The following PTPRD variants were observed in gnomAD, a reference collection of about 807,000 sequenced individuals.
The protein encoded by PTPRD is receptor-type tyrosine-protein phosphatase delta.
A neutral mutation model predicts 214.5 loss-of-function variants in PTPRD; 34 were observed. The ratio of observed to expected loss-of-function variants is 0.16; its 90% CI spans 0.12 to 0.21. The LOEUF (loss-of-function observed/expected upper bound fraction) is 0.21. Among genes scored for constraint, PTPRD ranks in the 10% least tolerant of loss-of-function variants. PTPRD has a pLI of 1.00. For synonymous variants in PTPRD, 1,128 were observed against 845.7 expected (o/e 1.33, Z -5.79); for missense variants, 2,545 against 2,398.7 (o/e 1.06, Z -1.27).
At chr9:9,785,324 A>G (rs1408329170) in intron 5 of PTPRD, among the ~76,000 whole-genome samples, 2 of 152,038 alleles carry the variant, frequency 1.3e-5, no homozygotes, top group Non-Finnish European at 2.9e-5. Context: ...CTCCTACAGT[A>G]TATTTATTAG....
chr9:10,199,134 T>G (rs2099409506), intron 3 of PTPRD, among the ~76,000 whole-genome samples: 1 of 151,816 alleles, frequency 6.6e-6, no homozygotes, highest in South Asian at 2.1e-4. Context: ...TTCTTAGGAG[T>G]GGATGCAGTA....
Position 8,865,384 on chromosome 9 carries a change from A to G in PTPRD, c.-103-131438T>C, listed in dbSNP as rs2154546532. 1.3e-5 allele frequency among the ~76,000 whole-genome samples: 2 copies of G among 152,272 alleles called. 1 individual carries two copies. Among genetic ancestry groups the G allele is most frequent in the South Asian group, 4.1e-4 (2 of 4,824 alleles). Reference sequence around the variant, plus strand: ...CCCAGAGCTCCTGTCATAGGGCTTTAAGCACAATAGGCATTTCATAAATAT... The same window carrying G: ...CCCAGAGCTCCTGTCATAGGGCTTTGAGCACAATAGGCATTTCATAAATAT... On this transcript the variant is annotated intron_variant, in intron 11 of 45. Coordinates refer to ENST00000381196, the MANE Select transcript of PTPRD (RefSeq NM_002839.4).
At chr9:10,122,519 A>C (rs1204417159) in intron 3 of PTPRD, among the ~76,000 whole-genome samples, 1 of 152,082 alleles carries the variant, frequency 6.6e-6, no homozygotes, top group Non-Finnish European at 1.5e-5. Context: ...GTTATGAAGA[A>C]TAAGAAAAAA....
At chr9:8,721,704 G>T (rs971363384) in intron 12 of PTPRD, among the ~76,000 whole-genome samples, 1 of 152,048 alleles carries the variant, frequency 6.6e-6, no homozygotes, top group Non-Finnish European at 1.5e-5. Context: ...TAATACTCCA[G>T]ACAACAAAAA....
intron 14 of PTPRD, among the ~76,000 whole-genome samples, chr9:8,574,131 C>T (rs754482898): frequency 1.3e-5 from 2 of 151,864 alleles, no homozygotes; most frequent in African/African-American, 2.4e-5. Flanking sequence ...ACGGAACATG[C>T]TATGCCATTC....
At chr9:10,028,940 A>G (rs1197981263) in intron 4 of PTPRD, among the ~76,000 whole-genome samples, 1 of 152,146 alleles carries the variant, frequency 6.6e-6, no homozygotes, top group Non-Finnish European at 1.5e-5. Flanking sequence ...TCACAGGCCC[A>G]GAAGCCTAGG....
chr9:10,547,728 G>A (rs2060464679), intron 2 of PTPRD, among the ~76,000 whole-genome samples: 1 of 151,604 alleles, frequency 6.6e-6, no homozygotes, highest in African/African-American at 2.4e-5. Flanking sequence ...TGTACATATA[G>A]CAACACTTGG....
intron 9 of PTPRD, among the ~76,000 whole-genome samples, chr9:9,361,652 T>G (rs754630947): frequency 1.1e-4 from 16 of 151,064 alleles, no homozygotes; most frequent in African/African-American, 2.2e-4. Context: ...CTAGAAAGAT[T>G]TGAATTATTC....
chr9:8,637,793 C>A (rs955117595), intron 12 of PTPRD, among the ~76,000 whole-genome samples: 4 of 152,096 alleles, frequency 2.6e-5, no homozygotes, highest in Non-Finnish European at 5.9e-5. Flanking sequence ...TAAAATATGG[C>A]ATGAAGATGG....
intron 8 of PTPRD, among the ~76,000 whole-genome samples, chr9:9,512,551 C>CA (rs1444084718): frequency 6.6e-6 from 1 of 151,850 alleles, no homozygotes; most frequent in Non-Finnish European, 1.5e-5. Flanking sequence ...GCTTTCCAAT[C>CA]AAAAACGTTA....
chr9:9,394,056 T>C (rs2066855508), intron 9 of PTPRD, among the ~76,000 whole-genome samples: 1 of 152,130 alleles, frequency 6.6e-6, no homozygotes, highest in Admixed American at 6.6e-5. Context: ...CACACAAAAC[T>C]TTAATTTTTT....
At chr9:9,606,965 TAAAAAAAAAAAAAAAAAAAAAAAA>T (rs754610072) in intron 7 of PTPRD, among the ~76,000 whole-genome samples, 4 of 27,456 alleles carry the variant, frequency 1.5e-4, no homozygotes, top group Non-Finnish European at 2.4e-4. Flanking sequence ...TCAGCACTGC[TAAAAAAAAAAAAAAAAAAAAAAAA>T]AAAAAAAAAA....
chr9:9,076,792 C>CTTT (rs34543317), intron 10 of PTPRD, among the ~76,000 whole-genome samples: 4 of 143,936 alleles, frequency 2.8e-5, no homozygotes, highest in Non-Finnish European at 3.0e-5. Context: ...TGATAATTTC[C>CTTT]TTTTTTTTTT....
chr9:10,222,902 G>T (rs1407348), intron 3 of PTPRD, among the ~76,000 whole-genome samples: 57,871 of 151,866 alleles, frequency 0.38, 12,721 homozygotes, highest in Non-Finnish European at 0.49. Context: ...AGATAAAAAT[G>T]TGTTGTGTTT....
At chr9:10,377,307 ATACTTT>A (rs2097750753) in intron 2 of PTPRD, among the ~76,000 whole-genome samples, 1 of 151,856 alleles carries the variant, frequency 6.6e-6, no homozygotes, top group African/African-American at 2.4e-5. Context: ...TATTATTATT[ATACTTT>A]AAGTTCTAGG....
chr9:9,615,319 C>T (rs536072343), intron 7 of PTPRD, among the ~76,000 whole-genome samples: 127 of 152,264 alleles, frequency 8.3e-4, no homozygotes, highest in African/African-American at 3.0e-3. Flanking sequence ...CACCGGCCAC[C>T]AGGCGCTGAT....
intron 45 of PTPRD, among the ~76,000 whole-genome samples, chr9:8,318,998 T>C (rs1824533170): frequency 1.3e-5 from 2 of 152,238 alleles, no homozygotes; most frequent in South Asian, 2.1e-4. Context: ...CTTTCCTATC[T>C]TGTCACAGTA....
At chr9:10,601,178 T>C (rs2077868090) in intron 2 of PTPRD, among the ~76,000 whole-genome samples, 1 of 151,650 alleles carries the variant, frequency 6.6e-6, no homozygotes. Flanking sequence ...AAAATTCCCA[T>C]TGGTGGCAGA....
intron 3 of PTPRD, among the ~76,000 whole-genome samples, chr9:10,338,000 G>A (rs993913336): frequency 5.9e-5 from 9 of 151,370 alleles, no homozygotes; most frequent in Admixed American, 1.3e-4. Context: ...TGGGAAAAAC[G>A]CAAACTTTTT....
Sources: allele counts gnomAD v4.1 joint callset (sites outside exome capture counted in the v4.1 genomes callset), GRCh38; gene constraint gnomAD v4.1.1; transcripts MANE v1.5; gene names NCBI Gene and HGNC (gene_info 2026-07-23, HGNC 2026-07-21).